Variants in C11orf65 observed in about 807,000 individuals in gnomAD.
The protein encoded by C11orf65 is protein MFI.
Under a neutral mutation model 35.3 loss-of-function variants are expected in C11orf65, and 38 were observed. That is an observed-to-expected ratio of 1.08 (90% confidence interval 0.83 to 1.41). The LOEUF (loss-of-function observed/expected upper bound fraction) is 1.41, where lower values mean the gene tolerates loss of function less well. Ranked by LOEUF, C11orf65 falls within the 40% of genes most tolerant of loss-of-function variation. The probability of loss-of-function intolerance (pLI) is 0.00; values close to 1 mark genes in which losing one functional copy is unlikely to be tolerated. For missense variants in C11orf65, 370 were observed against 367.1 expected, an observed-to-expected ratio of 1.01 and a Z score of -0.06; for synonymous variants, 105 against 114.4, an observed-to-expected ratio of 0.92 and a Z score of 0.53.
At chr11:108,335,654 C>T (rs1404863988) in intron 2 of C11orf65, among the ~76,000 whole-genome samples, 4 of 152,130 alleles carry the variant, frequency 2.6e-5, no homozygotes, top group Non-Finnish European at 5.9e-5. Flanking sequence ...GGGAAACTTT[C>T]TAAATCAGTG....
chr11:108,333,489 C>T (rs768181113), intron 3 of C11orf65, among the ~76,000 whole-genome samples: 8 of 152,060 alleles, frequency 5.3e-5, no homozygotes, highest in African/African-American at 7.2e-5. Flanking sequence ...TACTTGAAAA[C>T]GAATGGGACT....
Position 108,362,978 on chromosome 11 carries a change from A to AAAAC in C11orf65, c.227-27690_227-27687dup, listed in dbSNP as rs202064235. Among the ~76,000 whole-genome samples the AAAAC allele has an allele frequency of 7.2e-5, 11 of 152,166 alleles. No homozygotes were observed. In the South Asian group the frequency reaches 2.1e-3, roughly 29 times the overall value. On this transcript the variant is annotated intron_variant, in intron 2 of 3. Transcript: ENST00000524755. The stretch of plus-strand genomic sequence containing the variant: ...AAAAAAAACTAAAAAAACAAACAAC[A>AAAAC]AAACAAACAAACAAAAAAAACACAC...
chr11:108,365,359 C>T lies in C11orf65; in HGVS notation c.226+27849G>A, dbSNP rs587782292. 1.1e-5 allele frequency: 18 copies of T among 1,614,004 alleles called. No homozygotes were observed. Among genetic ancestry groups the T allele is most frequent in the African/African-American group, 2.7e-5 (2 of 74,896 alleles). ...CCAGAGTTTCAACAAAGTAGCTGAACGTGTCTTAATGAGACTACAAGAGAA... is the reference window on the plus strand; with the variant it reads ...CCAGAGTTTCAACAAAGTAGCTGAATGTGTCTTAATGAGACTACAAGAGAA... On this transcript the variant is annotated intron_variant, in intron 2 of 3. Coordinates refer to the C11orf65 transcript ENST00000524755.
chr11:108,383,085 TAGTA>T lies in C11orf65; in HGVS notation c.874_877del (p.Tyr292MetfsTer10), dbSNP rs753906976. The T allele has an allele frequency of 6.2e-7, 1 of 1,611,612 alleles. No individual in the cohort carries two copies. The highest frequency in any genetic ancestry group is 8.5e-7 in the Non-Finnish European group (1 of 1,178,634). ...ATTTGGTTCTTGATAAACATTTTCA[TAGTA>T]AGTATCATCTGGTATTCCCATTTGC... On this transcript the variant is annotated frameshift_variant, in exon 9 of 9. Transcript: ENST00000393084. LOFTEE classifies it low-confidence loss of function (END_TRUNC).
chr11:108,439,373 A>G (rs1483342086), intron 2 of C11orf65, among the ~76,000 whole-genome samples: 3 of 152,238 alleles, frequency 2.0e-5, no homozygotes, highest in African/African-American at 4.8e-5. Context: ...AACCTTGTGC[A>G]TTGCTGGTGG....
intron 2 of C11orf65, among the ~76,000 whole-genome samples, chr11:108,448,439 A>G (rs2093297657): frequency 6.6e-6 from 1 of 152,230 alleles, no homozygotes. Flanking sequence ...ATCCACCATG[A>G]GCAAGTGGGC....
chr11:108,370,554 C>A (rs565554136), intron 2 of C11orf65, among the ~76,000 whole-genome samples: 1 of 148,172 alleles, frequency 6.7e-6, no homozygotes, highest in South Asian at 2.1e-4. Context: ...TAGTCCTGTG[C>A]CTCATCTCAA....
chr11:108,401,571 C>T (rs994869739), intron 6 of C11orf65, among the ~76,000 whole-genome samples: 1 of 152,188 alleles, frequency 6.6e-6, no homozygotes, highest in Admixed American at 6.5e-5. Context: ...CGATGTAATG[C>T]ACTTCTCAAT....
chr11:108,314,124 T>G (rs1394273538), intron 6 of C11orf65, among the ~76,000 whole-genome samples: 4 of 150,910 alleles, frequency 2.7e-5, no homozygotes, highest in Admixed American at 6.6e-5. Context: ...AGTTTTTTTG[T>G]TTTTTTTTCC....
At chr11:108,362,703 A>G (rs1215727998) in intron 2 of C11orf65, among the ~76,000 whole-genome samples, 1 of 148,278 alleles carries the variant, frequency 6.7e-6, no homozygotes, top group Non-Finnish European at 1.5e-5. Flanking sequence ...GCAAGAACAA[A>G]AAACCAAACA....
intron 2 of C11orf65, 79 bp downstream of exon 2, chr11:108,461,400 A>T (rs1014576416): frequency 1.1e-5 from 9 of 825,806 alleles, no homozygotes; most frequent in African/African-American, 7.3e-5. Flanking sequence ...ATTCTGTCTT[A>T]AAAAAAAAAA....
intron 3 of C11orf65, among the ~76,000 whole-genome samples, chr11:108,408,603 G>A: frequency 6.6e-6 from 1 of 151,152 alleles, no homozygotes; most frequent in Non-Finnish European, 1.5e-5. Context: ...TTGAACCAGG[G>A]AGGTGGAGGC....
At chr11:108,455,765 G>A (rs539602583) in intron 2 of C11orf65, among the ~76,000 whole-genome samples, 4 of 134,362 alleles carry the variant, frequency 3.0e-5, no homozygotes, top group Non-Finnish European at 4.6e-5. Flanking sequence ...GCAGTGAGCT[G>A]AGATCACATC....
intron 3 of C11orf65, among the ~76,000 whole-genome samples, chr11:108,408,674 TAAATAAAATA>T (rs74198402): frequency 2.6e-5 from 2 of 77,192 alleles, no homozygotes; most frequent in African/African-American, 1.2e-4. Context: ...TCTGTCTCAA[TAAATAAAATA>T]AAATAAAATA....
chr11:108,428,725 T>C (rs746611496), intron 3 of C11orf65, among the ~76,000 whole-genome samples: 9 of 152,178 alleles, frequency 5.9e-5, no homozygotes. Context: ...GACAGGTTGA[T>C]GGGTGCAGCA....
At chr11:108,397,391 CT>C (rs1443813837) in intron 6 of C11orf65, among the ~76,000 whole-genome samples, 29 of 151,368 alleles carry the variant, frequency 1.9e-4, no homozygotes, top group African/African-American at 7.0e-4. Context: ...TTGTATTCAC[CT>C]TAACATGATC....
At chr11:108,463,924 ATTTTTTT>A (rs10677306) in intron 1 of C11orf65, among the ~76,000 whole-genome samples, 9 of 132,412 alleles carry the variant, frequency 6.8e-5, no homozygotes, top group African/African-American at 1.1e-4. Flanking sequence ...AGATTTGTTA[ATTTTTTT>A]TTTTTTTTTT....
intron 6 of C11orf65, among the ~76,000 whole-genome samples, chr11:108,324,898 A>G (rs1003258686): frequency 2.0e-5 from 3 of 152,188 alleles, no homozygotes; most frequent in Non-Finnish European, 2.9e-5. Context: ...AGTCATCCCC[A>G]GTAGGGGGTC....
At chr11:108,464,502 C>T (rs536566550) in intron 1 of C11orf65, among the ~76,000 whole-genome samples, 1 of 152,246 alleles carries the variant, frequency 6.6e-6, no homozygotes, top group Non-Finnish European at 1.5e-5. Flanking sequence ...GCTGGCACTA[C>T]AGGTGTGCAC....
Sources: allele counts gnomAD v4.1 joint callset (sites outside exome capture counted in the v4.1 genomes callset), GRCh38; gene constraint gnomAD v4.1.1; transcripts MANE v1.5; gene names NCBI Gene and HGNC (gene_info 2026-07-23, HGNC 2026-07-21).